CCDC38: variants seen among roughly 807,000 people sequenced by gnomAD.
CCDC38 encodes the protein coiled-coil domain containing 38, also known as coiled-coil domain-containing protein 38.
A neutral mutation model predicts 72.8 loss-of-function variants in CCDC38; 69 were observed. That is an observed-to-expected ratio of 0.95 (90% CI 0.78 to 1.16). CCDC38 has a LOEUF of 1.16. Ranked by LOEUF, CCDC38 falls within the 50% of genes most tolerant of loss-of-function variation. The probability of loss-of-function intolerance (pLI) is 0.00; values close to 1 mark genes in which losing one functional copy is unlikely to be tolerated. For synonymous variants in CCDC38, 201 were observed against 213.2 expected (o/e 0.94, Z 0.50); for missense variants, 626 against 638.9 (o/e 0.98, Z 0.22).
At chr12:95,895,473 C>T (rs780942281) in intron 7 of CCDC38, among the ~76,000 whole-genome samples, 4 of 152,050 alleles carry the variant, frequency 2.6e-5, no homozygotes, top group African/African-American at 4.8e-5. Context: ...GCAAAAGGGC[C>T]GGGTGCAGTG....
chr12:95,892,207 G>T (rs1331573157), intron 8 of CCDC38, among the ~76,000 whole-genome samples: 1 of 148,016 alleles, frequency 6.8e-6, no homozygotes, highest in Non-Finnish European at 1.5e-5. Context: ...TCTGGTCCTG[G>T]TTACCCCAAT....
intron 2 of CCDC38, among the ~76,000 whole-genome samples, chr12:95,922,872 T>C (rs1424750990): frequency 1.3e-5 from 2 of 152,104 alleles, no homozygotes; most frequent in African/African-American, 4.8e-5. Flanking sequence ...TGATGGTTAA[T>C]TGTGTGCGTC....
intron 5 of CCDC38, among the ~76,000 whole-genome samples, chr12:95,901,021 T>C (rs939717990): frequency 9.9e-5 from 15 of 152,268 alleles, no homozygotes; most frequent in Admixed American, 7.2e-4. Flanking sequence ...TATCACTGTA[T>C]GGAGAACAGA....
chr12:95,936,473 C>T lies in CCDC38; in HGVS notation c.37G>A (p.Gly13Ser), dbSNP rs779053700. ...AATATATTGATTGATTTCTTTTTAC[C>T]TCCAGAATTCAGTGTTGGCAATAAA... ...SNLLPTLNSG[G>S]KVKDGSTKED... The change falls in exon 2 of 16, where the codon GGT becomes AGT. Residue 13 changes from glycine (G) to serine (S), a missense_variant and splice_region_variant. Coordinates refer to ENST00000344280, the MANE Select transcript of CCDC38 (RefSeq NM_182496.3). 2.5e-6 allele frequency: 4 copies of T among 1,612,530 alleles called. No homozygotes were observed. The highest frequency in any genetic ancestry group is 1.3e-5 in the African/African-American group (1 of 74,860).
intron 2 of CCDC38, among the ~76,000 whole-genome samples, chr12:95,929,495 G>A (rs555414120): frequency 1.6e-4 from 24 of 152,208 alleles, no homozygotes; most frequent in Admixed American, 5.2e-4. Flanking sequence ...GAAATCACCT[G>A]TCTTCTGCGT....
At chr12:95,886,663 A>C (rs2079762974) in intron 10 of CCDC38, among the ~76,000 whole-genome samples, 1 of 152,254 alleles carries the variant, frequency 6.6e-6, no homozygotes, top group South Asian at 2.1e-4. Flanking sequence ...AGACATGAAT[A>C]GATATTTCAT....
chr12:95,869,664 G>A, intron 14 of CCDC38, 91 bp from the exon 15 acceptor site: 2 of 863,276 alleles, frequency 2.3e-6, no homozygotes, highest in Non-Finnish European at 1.9e-6. Flanking sequence ...CATGTGACTA[G>A]AAGACCTCCT....
Position 95,872,236 on chromosome 12 carries a change from T to G in CCDC38, c.1484+19A>C. On this transcript the variant is annotated intron_variant, in intron 14 of 15. Coordinates refer to ENST00000344280, the MANE Select transcript of CCDC38 (RefSeq NM_182496.3). ...AAACCAGCTACTCATTAAGTCATTC[T>G]TATCCTTATTGACTGTACTTTTGCC... is the stretch of plus-strand genomic sequence containing the variant. The G allele has an allele frequency of 1.2e-6, 2 of 1,609,554 alleles. No homozygotes were observed.
intron 4 of CCDC38, among the ~76,000 whole-genome samples, chr12:95,910,759 AG>A (rs1449440369): frequency 6.6e-6 from 1 of 152,212 alleles, no homozygotes; most frequent in African/African-American, 2.4e-5. Context: ...AGCCTCTCAC[AG>A]GACTAAGCCA....
chr12:95,876,637 C>T (rs1390589936), intron 13 of CCDC38, among the ~76,000 whole-genome samples: 1 of 152,088 alleles, frequency 6.6e-6, no homozygotes, highest in Non-Finnish European at 1.5e-5. Flanking sequence ...CCTCTTGGCC[C>T]CGGCAATGCA....
intron 10 of CCDC38, among the ~76,000 whole-genome samples, chr12:95,884,360 A>G (rs929408702): frequency 6.6e-6 from 1 of 152,250 alleles, no homozygotes; most frequent in African/African-American, 2.4e-5. Flanking sequence ...ATATTTTGCT[A>G]TAAATCTAAC....
chr12:95,905,895 C>G (rs1025473441), intron 5 of CCDC38, among the ~76,000 whole-genome samples: 4 of 152,138 alleles, frequency 2.6e-5, no homozygotes, highest in Admixed American at 6.5e-5. Context: ...ATAAAAGACT[C>G]CATAAGGGAC....
intron 13 of CCDC38, among the ~76,000 whole-genome samples, chr12:95,874,990 G>A (rs1354880055): frequency 2.0e-5 from 3 of 152,102 alleles, no homozygotes; most frequent in Admixed American, 6.6e-5. Context: ...TAAAACCAGA[G>A]ATAAACACAT....
intron 14 of CCDC38, among the ~76,000 whole-genome samples, chr12:95,870,012 C>CG (rs1345560085): frequency 2.6e-5 from 4 of 152,010 alleles, no homozygotes; most frequent in African/African-American, 9.7e-5. Flanking sequence ...TTAGTAGAGA[C>CG]GGGGTGTCAC....
chr12:95,923,543 T>TAAA (rs1198418276), intron 2 of CCDC38, among the ~76,000 whole-genome samples: 9 of 151,520 alleles, frequency 5.9e-5, no homozygotes, highest in Admixed American at 5.9e-4. Flanking sequence ...TTTTTTTTTT[T>TAAA]AATTTATTAT....
chr12:95,890,680 TGAGA>T (rs982026858), intron 9 of CCDC38, 148 bp downstream of exon 9: 3 of 531,270 alleles, frequency 5.6e-6, no homozygotes, highest in Non-Finnish European at 1.0e-5. Context: ...TGTGATAACG[TGAGA>T]GAGAGAACCA....
chr12:95,918,430 C>G (rs1446888693), intron 3 of CCDC38, among the ~76,000 whole-genome samples: 1 of 152,162 alleles, frequency 6.6e-6, no homozygotes, highest in Non-Finnish European at 1.5e-5. Context: ...GATGAACACC[C>G]CTTTCTCTAT....
intron 4 of CCDC38, among the ~76,000 whole-genome samples, chr12:95,913,981 A>G (rs1233626334): frequency 6.6e-6 from 1 of 152,206 alleles, no homozygotes; most frequent in Non-Finnish European, 1.5e-5. Context: ...TAAATAAAAT[A>G]CATATGAAAT....
chr12:95,880,622 C>T (rs1324116513), intron 11 of CCDC38, among the ~76,000 whole-genome samples: 1 of 148,736 alleles, frequency 6.7e-6, no homozygotes, highest in Non-Finnish European at 1.5e-5. Context: ...CACTGCACTT[C>T]AGCCTGGGCA....
Sources: gnomAD v4.1 joint callset for allele counts (sites outside exome capture counted in the v4.1 genomes callset) on GRCh38, gnomAD v4.1.1 for gene constraint, MANE v1.5 for transcripts, NCBI Gene and HGNC (gene_info 2026-07-23, HGNC 2026-07-21) for gene names.